The following HSPA12A variants were observed in gnomAD, a reference collection of about 807,000 sequenced individuals.
HSPA12A encodes heat shock 70 kDa protein 12A.
Under a neutral mutation model 69.2 loss-of-function variants are expected in HSPA12A, and 28 were observed. That is an observed-to-expected ratio of 0.40 (90% confidence interval 0.30 to 0.55). The LOEUF (loss-of-function observed/expected upper bound fraction) is 0.55. Ranked by LOEUF, HSPA12A falls within the 20% of genes least tolerant of loss-of-function variation. The pLI is 0.38. For synonymous variants in HSPA12A, 345 were observed against 370.5 expected (o/e 0.93, Z 0.79); for missense variants, 686 against 900.7 (o/e 0.76, Z 3.05).
At chr10:116,697,035 G>C (rs1371706479) in intron 5 of HSPA12A, among the ~76,000 whole-genome samples, 1 of 151,780 alleles carries the variant, frequency 6.6e-6, no homozygotes, top group Non-Finnish European at 1.5e-5. Context: ...ACACACTCCT[G>C]TATACTGAGT....
At chr10:116,797,130 T>A (rs1175756153) in intron 2 of HSPA12A, among the ~76,000 whole-genome samples, 2 of 152,174 alleles carry the variant, frequency 1.3e-5, no homozygotes, top group East Asian at 3.9e-4. Context: ...GAGCTACAGG[T>A]TTCTCTTTGG....
chr10:116,717,491 G>A (rs1249726581), intron 1 of HSPA12A, among the ~76,000 whole-genome samples: 3 of 152,138 alleles, frequency 2.0e-5, no homozygotes, highest in African/African-American at 7.2e-5. Context: ...CCAGGTAGGA[G>A]AGGCACATAT....
chr10:116,712,977 A>AATATATATATATATACATATAT (rs1850483026), intron 1 of HSPA12A, among the ~76,000 whole-genome samples: 2 of 80,858 alleles, frequency 2.5e-5, no homozygotes, highest in African/African-American at 5.6e-5. Context: ...TAAAAAATGC[A>AATATATATATATATACATATAT]ATATATATAT....
At chr10:116,714,813 G>C (rs1850558392) in intron 1 of HSPA12A, among the ~76,000 whole-genome samples, 1 of 152,202 alleles carries the variant, frequency 6.6e-6, no homozygotes, top group Non-Finnish European at 1.5e-5. Context: ...TGGAACATCT[G>C]TGCTTGATTC....
At position 116,728,368 on chromosome 10, in the gene HSPA12A, G is replaced by A. The variant is rs559712552; in HGVS notation, c.40+14062C>T. On this transcript the variant is annotated intron_variant, in intron 1 of 11. Coordinates refer to ENST00000369209, the MANE Select transcript of HSPA12A (RefSeq NM_025015.3). The stretch of plus-strand genomic sequence containing the variant: ...GGGTTTATCAGGGTGTAACTCCATC[G>A]TAAGTCAAGGAGCATCTGTACCTGG... Among the ~76,000 whole-genome samples the A allele has an allele frequency of 2.7e-3, 411 of 152,286 alleles. 4 individuals are homozygous for A. Among genetic ancestry groups the A allele is most frequent in the African/African-American group, 9.1e-3 (377 of 41,564 alleles).
chr10:116,849,837 A>G (rs1320717746), upstream of HSPA12A: 1 of 1,294,746 alleles, frequency 7.7e-7, no homozygotes, highest in African/African-American at 1.5e-5. Context: ...CTCGCATGCC[A>G]GCCGCCCGGG....
rs782030204 is a variant in HSPA12A at position 116,681,844 on chromosome 10, C to T, written c.869G>A (p.Arg290Gln). Residue 290 changes from arginine (R) to glutamine (Q), a missense_variant, in exon 8 of 12, where the codon CGG becomes CAG. Coordinates refer to ENST00000369209, the MANE Select transcript of HSPA12A (RefSeq NM_025015.3). ...KEHIRRNRQSRTFLVENVIGE... is the reference protein window; with the variant it reads ...KEHIRRNRQSQTFLVENVIGE... ...TATGACATTCTCCACCAAAAAGGTC[C>T]GACTCTGCCGATTACGCCGTATGTG... is the stretch of plus-strand genomic sequence containing the variant. 2.5e-6 allele frequency: 4 copies of T among 1,614,028 alleles called. No homozygotes were observed. The highest frequency in any genetic ancestry group is 3.3e-5 in the Admixed American group (2 of 60,006).
At chr10:116,714,968 C>T (rs891179902) in intron 1 of HSPA12A, among the ~76,000 whole-genome samples, 5 of 152,184 alleles carry the variant, frequency 3.3e-5, no homozygotes, top group South Asian at 2.1e-4. Context: ...TCAGCTCCCC[C>T]GGTGCAGATG....
chr10:116,782,080 G>A (rs1285679420), intron 2 of HSPA12A, among the ~76,000 whole-genome samples: 8 of 152,132 alleles, frequency 5.3e-5, no homozygotes, highest in Admixed American at 3.3e-4. Flanking sequence ...CAATGGTCAG[G>A]CATGTCACAA....
At chr10:116,677,779 G>A (rs140463467) in intron 10 of HSPA12A, among the ~76,000 whole-genome samples, 1 of 152,298 alleles carries the variant, frequency 6.6e-6, no homozygotes, top group East Asian at 1.9e-4. Flanking sequence ...CACCACAAAT[G>A]TCATGTCAAA....
intron 1 of HSPA12A, chr10:116,835,109 G>T: frequency 1.2e-6 from 1 of 845,272 alleles, no homozygotes; most frequent in Non-Finnish European, 1.5e-6. Context: ...GCTGGTTGAC[G>T]GTTTGTAAGA....
intron 2 of HSPA12A, among the ~76,000 whole-genome samples, chr10:116,767,435 C>T (rs1000195345): frequency 2.0e-5 from 3 of 152,168 alleles, no homozygotes; most frequent in East Asian, 1.9e-4. Flanking sequence ...GAGGGTCATC[C>T]ACCCCAGCTG....
Position 116,799,354 on chromosome 10 carries a change from T to A in HSPA12A, c.91+35581A>T, listed in dbSNP as rs192873400. Among the ~76,000 whole-genome samples, 3 of 152,326 alleles carry A rather than the reference T, an allele frequency of 2.0e-5. No individual in the cohort carries two copies. The East Asian group carries it at 5.8e-4, about 29-fold the overall frequency. ...CTTTGGTTTCTTCTACTCAACAGCT[T>A]ATTTTGTTTCTTCTACTGAACAGCG... On this transcript the variant is annotated intron_variant, in intron 2 of 12. Coordinates refer to the HSPA12A transcript ENST00000635765.
At chr10:116,692,739 A>G (rs1849772426) in intron 5 of HSPA12A, among the ~76,000 whole-genome samples, 1 of 152,188 alleles carries the variant, frequency 6.6e-6, no homozygotes, top group Non-Finnish European at 1.5e-5. Flanking sequence ...TAATCATGTG[A>G]CTTTGGACAA....
chr10:116,825,261 G>C (rs1435983484), intron 2 of HSPA12A, among the ~76,000 whole-genome samples: 1 of 151,656 alleles, frequency 6.6e-6, no homozygotes, highest in East Asian at 1.9e-4. Context: ...TGTAATCCCA[G>C]CACCTTGGGA....
At chr10:116,737,397 T>C (rs1851348055) in intron 1 of HSPA12A, among the ~76,000 whole-genome samples, 1 of 152,138 alleles carries the variant, frequency 6.6e-6, no homozygotes, top group South Asian at 2.1e-4. Context: ...AAAAAACAGA[T>C]GCAGCAACGT....
chr10:116,675,155 G>C lies in HSPA12A; in HGVS notation c.1654C>G (p.Pro552Ala). 6.2e-7 allele frequency: 1 copy of C among 1,613,950 alleles called. No homozygotes were observed. Among genetic ancestry groups the C allele is most frequent in the South Asian group, 1.1e-5 (1 of 91,082 alleles). ...CCATCCTTCACCAGCAGCTTCTCAG[G>C]CGGGTGCTTGCCCTCCACGTAGCGG... ...LNRYVEGKHP[P>A]EKLLVKDGTR... The change falls in exon 12 of 12, where the codon CCT becomes GCT. Residue 552 changes from proline (P) to alanine (A), a missense_variant. Pro to Ala is a conservative substitution (Grantham distance 27, BLOSUM62 -1). Coordinates refer to ENST00000369209, the MANE Select transcript of HSPA12A (RefSeq NM_025015.3). This position sits in a 1 kb window ranked among gnomAD's most constrained non-coding sequence, Gnocchi z 5.2.
At position 116,675,256 on chromosome 10, in the gene HSPA12A, G is replaced by A. The variant is rs1386712185; in HGVS notation, c.1553C>T (p.Ala518Val). The A allele has an allele frequency of 6.2e-7, 1 of 1,613,598 alleles. No individual in the cohort carries two copies. The highest frequency in any genetic ancestry group is 2.2e-5 in the East Asian group (1 of 44,882). The change falls in exon 12 of 12, where the codon GCC (alanine) becomes GTC (valine). Residue 518 changes from alanine (A) to valine (V), a missense_variant. Ala to Val is a moderately conservative substitution (Grantham distance 64). Coordinates refer to ENST00000369209, the MANE Select transcript of HSPA12A (RefSeq NM_025015.3). The surrounding 1 kb of genome is among the most constrained non-coding windows in gnomAD (Gnocchi z 5.2). ...CGCGGGGTCCAGGCCAAAGAGGACG[G>A]CACCCTTGAGGATGGTGAGGCCCAC... is the stretch of plus-strand genomic sequence containing the variant. Reference protein sequence around the residue: ...QDVGLTILKGAVLFGLDPAVI... With the variant: ...QDVGLTILKGVVLFGLDPAVI...
chr10:116,822,828 T>A (rs1188745946), intron 2 of HSPA12A, among the ~76,000 whole-genome samples: 1 of 152,150 alleles, frequency 6.6e-6, no homozygotes, highest in Admixed American at 6.5e-5. Context: ...TCACTCTCAC[T>A]CCTAGACTAG....
Sources: gnomAD v4.1 joint callset for allele counts (sites outside exome capture counted in the v4.1 genomes callset) on GRCh38, gnomAD v4.1.1 for gene constraint, Gnocchi (gnomAD v3.1) non-coding constraint, MANE v1.5 for transcripts, NCBI Gene and HGNC (gene_info 2026-07-23, HGNC 2026-07-21) for gene names.